The following DMD variants were observed in gnomAD, a reference collection of about 807,000 sequenced individuals.
DMD encodes the protein mutant dystrophin.
A neutral mutation model predicts 330.1 loss-of-function variants in DMD; 63 were observed. The ratio of observed to expected loss-of-function variants is 0.19; its 90% CI spans 0.16 to 0.24. The LOEUF (loss-of-function observed/expected upper bound fraction) is 0.24. Ranked by LOEUF, DMD falls within the 10% of genes least tolerant of loss-of-function variation. DMD has a pLI of 1.00. For synonymous variants in DMD, 1,223 were observed against 959.8 expected, an observed-to-expected ratio of 1.27 and a Z score of -5.07; for missense variants, 3,344 against 2,684.1, an observed-to-expected ratio of 1.25 and a Z score of -5.43.
At chrX:33,051,515 A>G (rs1257049886) in intron 1 of DMD, among the ~76,000 whole-genome samples, 1 of 109,798 alleles carries the variant, frequency 9.1e-6, no homozygotes, top group African/African-American at 3.3e-5. Context: ...CCTGGCCTCA[A>G]CCGACTTTTT....
At chrX:33,244,543 A>G (rs981345988) in intron 1 of DMD, among the ~76,000 whole-genome samples, 1 of 111,849 alleles carries the variant, frequency 8.9e-6, no homozygotes, top group Admixed American at 9.5e-5. Flanking sequence ...TGAGTTTGCA[A>G]GTTTAGTTAT....
rs766197402 is a variant in DMD at position 33,036,453 on chromosome X, T to C, written c.32-16253A>G. On this transcript the variant is annotated intron_variant, in intron 1 of 78. Coordinates refer to ENST00000357033, the MANE Select transcript of DMD (RefSeq NM_004006.3). ...CCATAAAAATTACCGTTCTGCTTTT[T>C]TTTGGAACCTTGAAAAATGGTCTCA... Among the ~76,000 whole-genome samples the C allele has an allele frequency of 5.0e-4, 56 of 111,087 alleles. No individual in the cohort carries two copies. In the Admixed American group the frequency reaches 5.4e-3, roughly 11 times the overall value.
chrX:32,757,215 C>T (rs1362626612), intron 7 of DMD, among the ~76,000 whole-genome samples: 1 of 111,372 alleles, frequency 9.0e-6, no homozygotes, highest in South Asian at 3.8e-4. Flanking sequence ...TTCAAGCATA[C>T]AATACATTGC....
intron 44 of DMD, among the ~76,000 whole-genome samples, chrX:32,132,535 G>A (rs2096701097): frequency 9.0e-6 from 1 of 111,162 alleles, no homozygotes; most frequent in African/African-American, 3.3e-5. Flanking sequence ...TTCCACTTAG[G>A]GTTCTTTTCG....
intron 25 of DMD, among the ~76,000 whole-genome samples, chrX:32,455,816 C>A (rs771486873): frequency 9.0e-6 from 1 of 111,091 alleles, no homozygotes; most frequent in African/African-American, 3.3e-5. Flanking sequence ...ATGCAAGTTG[C>A]AAAAGAGTCT....
intron 36 of DMD, among the ~76,000 whole-genome samples, chrX:32,363,733 G>A (rs143994390): frequency 0.012 from 1,355 of 112,039 alleles, 23 homozygotes; most frequent in African/African-American, 0.041. Context: ...AAGGTATATC[G>A]TAATCTGTGG....
At chrX:31,511,879 T>C (rs1360254706) in intron 55 of DMD, among the ~76,000 whole-genome samples, 1 of 104,394 alleles carries the variant, frequency 9.6e-6, no homozygotes, top group Non-Finnish European at 2.0e-5. Context: ...AAATGGTATT[T>C]CTAGTTCTAG....
chrX:31,451,591 C>A (rs911906406), intron 59 of DMD, among the ~76,000 whole-genome samples: 4 of 110,288 alleles, frequency 3.6e-5, no homozygotes, highest in African/African-American at 1.3e-4. Context: ...CTGCAGGAGA[C>A]TTCTTAAGTG....
chrX:31,449,193 T>C (rs1306392995), intron 59 of DMD, among the ~76,000 whole-genome samples: 1 of 111,384 alleles, frequency 9.0e-6, no homozygotes, highest in Non-Finnish European at 1.9e-5. Flanking sequence ...TGGCATAGTC[T>C]GCAGTGCCTG....
At chrX:32,356,119 T>A (rs1454310762) in intron 37 of DMD, among the ~76,000 whole-genome samples, 3 of 110,360 alleles carry the variant, frequency 2.7e-5, no homozygotes, top group African/African-American at 9.9e-5. Flanking sequence ...TCATTGGACC[T>A]TCTAGATCAC....
chrX:33,067,415 C>T (rs1169113588), intron 1 of DMD, among the ~76,000 whole-genome samples: 1 of 112,382 alleles, frequency 8.9e-6, no homozygotes. Context: ...GAGATGGTTC[C>T]AATTACAATA....
At chrX:31,732,529 T>G (rs144618804) in intron 51 of DMD, among the ~76,000 whole-genome samples, 1 of 111,985 alleles carries the variant, frequency 8.9e-6, no homozygotes, top group Admixed American at 9.5e-5. Context: ...TTTAAGGGTA[T>G]TCTATTTATT....
chrX:32,370,467 T>A (rs1375853955), intron 34 of DMD, among the ~76,000 whole-genome samples: 1 of 111,389 alleles, frequency 9.0e-6, no homozygotes, highest in Admixed American at 9.6e-5. Flanking sequence ...TGTATTGACT[T>A]TTTAATAACA....
rs754863358 is a variant in DMD, at chrX:32,037,291, C to T, written c.6439-68777G>A. Among the ~76,000 whole-genome samples, 6 of 111,672 alleles carry T rather than the reference C, an allele frequency of 5.4e-5. No homozygotes were observed. In the South Asian group the frequency reaches 1.8e-3, roughly 34 times the overall value. On this transcript the variant is annotated intron_variant, in intron 44 of 78. Transcript: ENST00000357033. ...AAGCAATGTGGAGGCAGTATATTCC[C>T]ACAGAACATATTCATGGAAGTGTTA...
At chrX:31,367,644 A>G (rs987465885) in intron 60 of DMD, among the ~76,000 whole-genome samples, 1 of 111,888 alleles carries the variant, frequency 8.9e-6, no homozygotes, top group Non-Finnish European at 1.9e-5. Context: ...GCTTTGTGCC[A>G]GGCACTGCAC....
intron 7 of DMD, among the ~76,000 whole-genome samples, chrX:32,729,951 G>T (rs1057211331): frequency 8.9e-6 from 1 of 111,752 alleles, no homozygotes; most frequent in Non-Finnish European, 1.9e-5. Flanking sequence ...GGTCCAGGAG[G>T]TATACTTAAG....
At chrX:33,239,360 C>T (rs2052547684) in intron 1 of DMD, among the ~76,000 whole-genome samples, 1 of 107,392 alleles carries the variant, frequency 9.3e-6, no homozygotes. Context: ...TTAACAAGAA[C>T]CCCAGATTAT....
intron 44 of DMD, among the ~76,000 whole-genome samples, chrX:32,052,845 G>A (rs1237153241): frequency 9.0e-6 from 1 of 111,261 alleles, no homozygotes; most frequent in Non-Finnish European, 1.9e-5. Flanking sequence ...GAGATGAACT[G>A]TAATTGTCAT....
At chrX:32,290,929 T>C (rs778155819) in intron 42 of DMD, among the ~76,000 whole-genome samples, 68 of 111,965 alleles carry the variant, frequency 6.1e-4, no homozygotes, top group Middle Eastern at 4.6e-3. Context: ...ATATATTTGG[T>C]CATAGGCTCA....
Sources: allele counts gnomAD v4.1 joint callset (sites outside exome capture counted in the v4.1 genomes callset), GRCh38; gene constraint gnomAD v4.1.1; transcripts MANE v1.5; gene names NCBI Gene and HGNC (gene_info 2026-07-23, HGNC 2026-07-21).